EIF4G3: variants seen among roughly 807,000 people sequenced by gnomAD.
The protein encoded by EIF4G3 is eukaryotic translation initiation factor 4 gamma 3.
EIF4G3 carries 34 observed loss-of-function variants against 186.4 expected under a neutral mutation model. The ratio of observed to expected loss-of-function variants is 0.18; its 90% CI spans 0.14 to 0.24. EIF4G3 has a LOEUF of 0.24. EIF4G3 is among the 10% of genes least tolerant of loss of function. The pLI, the probability that EIF4G3 is intolerant of heterozygous loss-of-function variation, is 1.00. For missense variants in EIF4G3, 1,536 were observed against 1,948.5 expected (o/e 0.79, Z 3.99); for synonymous variants, 673 against 679.5 (o/e 0.99, Z 0.15).
chr1:21,149,494 T>C (rs985245131), intron 2 of EIF4G3, among the ~76,000 whole-genome samples: 1 of 152,200 alleles, frequency 6.6e-6, no homozygotes, highest in Non-Finnish European at 1.5e-5. Context: ...AGATATACGG[T>C]ATTTTACTGG....
chr1:20,983,824 T>C (rs758091688), intron 7 of EIF4G3, among the ~76,000 whole-genome samples: 16 of 152,130 alleles, frequency 1.1e-4, no homozygotes, highest in South Asian at 6.2e-4. Context: ...CCTGAAGAAA[T>C]AGGGTGTTAC....
At chr1:20,983,486 T>C (rs2078744318) in intron 7 of EIF4G3, among the ~76,000 whole-genome samples, 1 of 152,250 alleles carries the variant, frequency 6.6e-6, no homozygotes, top group Admixed American at 6.5e-5. Context: ...TTCTCGTAAT[T>C]ACAAAGCAAA....
chr1:21,094,765 T>TATA (rs368168938), intron 2 of EIF4G3, among the ~76,000 whole-genome samples: 13,748 of 140,738 alleles, frequency 0.098, 797 homozygotes, highest in African/African-American at 0.16. Flanking sequence ...GAACTTAAAG[T>TATA]ATAATAATAA....
chr1:21,155,229 C>T (rs1233397103), intron 2 of EIF4G3, among the ~76,000 whole-genome samples: 1 of 135,144 alleles, frequency 7.4e-6, no homozygotes, highest in Admixed American at 8.3e-5. Context: ...TGCCACTGCA[C>T]TCCAGCCTGG....
chr1:21,154,857 T>C (rs1183403299), intron 2 of EIF4G3, among the ~76,000 whole-genome samples: 1 of 152,234 alleles, frequency 6.6e-6, no homozygotes, highest in Non-Finnish European at 1.5e-5. Context: ...TGTCTCATTA[T>C]TTGAGTATTG....
At chr1:21,046,730 G>C (rs552262797) in intron 4 of EIF4G3, among the ~76,000 whole-genome samples, 2 of 152,090 alleles carry the variant, frequency 1.3e-5, no homozygotes, top group African/African-American at 4.8e-5. Flanking sequence ...ACAAATTACC[G>C]CCAACAGAAA....
At chr1:20,876,219 T>A (rs2080758325) in intron 20 of EIF4G3, among the ~76,000 whole-genome samples, 1 of 95,520 alleles carries the variant, frequency 1.0e-5, no homozygotes. Flanking sequence ...TGAGAGCCTG[T>A]CTCAAAAAAA....
chr1:20,851,223 C>G, intron 28 of EIF4G3, 35 bp downstream of exon 28: 2 of 1,594,474 alleles, frequency 1.3e-6, no homozygotes, highest in Non-Finnish European at 1.7e-6. Context: ...AAATTTAAAA[C>G]CCAAATCTGC....
chr1:21,101,326 G>C (rs917610955), intron 2 of EIF4G3, among the ~76,000 whole-genome samples: 3 of 151,992 alleles, frequency 2.0e-5, no homozygotes, highest in African/African-American at 7.2e-5. Context: ...TCGGCACTTT[G>C]GGAGGCTGAG....
chr1:20,852,076 T>C (rs1050955048), intron 27 of EIF4G3, among the ~76,000 whole-genome samples: 4 of 152,206 alleles, frequency 2.6e-5, no homozygotes, highest in Non-Finnish European at 2.9e-5. Flanking sequence ...GATGGAGTTT[T>C]ACTCTTGTTG....
At chr1:21,096,317 T>G (rs1214638217) in intron 2 of EIF4G3, among the ~76,000 whole-genome samples, 1 of 152,202 alleles carries the variant, frequency 6.6e-6, no homozygotes, top group Non-Finnish European at 1.5e-5. Flanking sequence ...TCTCACTTAC[T>G]GTTGAGATTT....
In EIF4G3 at chr1:20,986,744, C is replaced by CA. The variant is rs61255473; in HGVS notation, c.178-4337dup. 4.2e-3 allele frequency among the ~76,000 whole-genome samples: 279 copies of CA among 66,314 alleles called. 44 individuals are homozygous for CA. Among genetic ancestry groups the CA allele is most frequent in the African/African-American group, 0.011 (156 of 14,658 alleles). 43.5% of individuals were successfully genotyped at this position (66,314 alleles called of 152,430 possible). A position where few individuals can be genotyped will look rare whatever the true frequency, so the allele number is the denominator to read the frequency against. On this transcript the variant is annotated intron_variant, in intron 7 of 36. Transcript: ENST00000602326. Reference sequence around the variant, plus strand: ...AGCCTGGGCGACAGAGCTCTGTCTCCAAAAAAAAAAAAAAAAAAAAAAAAA... The same window carrying CA: ...AGCCTGGGCGACAGAGCTCTGTCTCCAAAAAAAAAAAAAAAAAAAAAAAAAA...
Position 21,176,839 on chromosome 1 carries a change from A to T in EIF4G3, c.-573T>A. 4.3e-6 allele frequency: 3 copies of T among 701,534 alleles called. No homozygotes were observed. The highest frequency in any genetic ancestry group is 7.8e-6 in the Non-Finnish European group (3 of 384,074). 43.5% of individuals were successfully genotyped at this position (701,534 alleles called of 1,614,324 possible). A position where few individuals can be genotyped will look rare whatever the true frequency, so the allele number is the denominator to read the frequency against. ...CGATGCCGGTGGATTTTCTTCACTCAACGAGCAGAGCATCCAACATGGCGC... is the reference window on the plus strand; with the variant it reads ...CGATGCCGGTGGATTTTCTTCACTCTACGAGCAGAGCATCCAACATGGCGC... On this transcript the variant is annotated 5_prime_UTR_variant, in exon 1 of 37. The change creates a premature stop within an existing upstream ORF in the 5' untranslated region. Transcript: ENST00000602326.
intron 4 of EIF4G3, among the ~76,000 whole-genome samples, chr1:21,030,997 C>G (rs1181677057): frequency 6.6e-6 from 1 of 152,002 alleles, no homozygotes; most frequent in East Asian, 1.9e-4. Flanking sequence ...ATCAGCCTGG[C>G]CAACATGGTG....
intron 2 of EIF4G3, among the ~76,000 whole-genome samples, chr1:21,173,573 A>T (rs2098036006): frequency 6.6e-6 from 1 of 152,118 alleles, no homozygotes; most frequent in Non-Finnish European, 1.5e-5. Flanking sequence ...CTGTAATCCC[A>T]GCTACTCAGG....
At chr1:20,983,369 G>A (rs770073672) in intron 7 of EIF4G3, among the ~76,000 whole-genome samples, 1 of 152,204 alleles carries the variant, frequency 6.6e-6, no homozygotes, top group Non-Finnish European at 1.5e-5. Flanking sequence ...ACAACTACAG[G>A]AACCATCTTC....
chr1:21,148,569 G>A (rs2097493796), intron 2 of EIF4G3, among the ~76,000 whole-genome samples: 1 of 151,972 alleles, frequency 6.6e-6, no homozygotes, highest in Non-Finnish European at 1.5e-5. Flanking sequence ...GGCTGTGGTG[G>A]CAGGTGCCTG....
chr1:21,142,384 G>A (rs1441658268), intron 2 of EIF4G3, among the ~76,000 whole-genome samples: 6 of 150,522 alleles, frequency 4.0e-5, no homozygotes, highest in African/African-American at 1.5e-4. Flanking sequence ...CCATGTGCCT[G>A]CAGTCCCAGC....
chr1:20,814,880 C>T (rs2060152333), intron 34 of EIF4G3, among the ~76,000 whole-genome samples: 1 of 121,044 alleles, frequency 8.3e-6, no homozygotes, highest in African/African-American at 3.1e-5. Context: ...TGCAACCTCC[C>T]TGCCTGATTC....
Sources: gnomAD v4.1 joint callset for allele counts (sites outside exome capture counted in the v4.1 genomes callset) on GRCh38, gnomAD v4.1.1 for gene constraint, MANE v1.5 for transcripts, NCBI Gene and HGNC (gene_info 2026-07-23, HGNC 2026-07-21) for gene names.